The following KIF16B variants were observed in gnomAD, a reference collection of about 807,000 sequenced individuals.
The protein encoded by KIF16B is kinesin-like protein KIF16B.
In KIF16B, 98 loss-of-function variants were observed where a neutral mutation model predicts 156.3. The observed-to-expected ratio is 0.63, with a 90% CI of 0.53 to 0.74. The LOEUF (loss-of-function observed/expected upper bound fraction) is 0.74, where lower values mean the gene tolerates loss of function less well. Among genes scored for constraint, KIF16B ranks in the 30% least tolerant of loss-of-function variants. The probability of loss-of-function intolerance (pLI) is 0.00; values close to 1 mark genes in which losing one functional copy is unlikely to be tolerated. For missense variants in KIF16B, 1,421 were observed against 1,606.5 expected, an observed-to-expected ratio of 0.88 and a Z score of 1.97; for synonymous variants, 564 against 583.7, an observed-to-expected ratio of 0.97 and a Z score of 0.49.
chr20:16,516,184 G>A (rs1416056589), intron 3 of KIF16B, among the ~76,000 whole-genome samples: 1 of 152,212 alleles, frequency 6.6e-6, no homozygotes, highest in Admixed American at 6.5e-5. Flanking sequence ...GGCTGTAGAT[G>A]AGGATGGGGT....
intron 17 of KIF16B, among the ~76,000 whole-genome samples, chr20:16,386,667 G>A (rs1368759127): frequency 2.0e-5 from 3 of 151,966 alleles, no homozygotes; most frequent in African/African-American, 7.2e-5. Context: ...AAAATGGGAA[G>A]AGGCTGGGAA....
chr20:16,366,205 C>A (rs944681816), intron 22 of KIF16B, among the ~76,000 whole-genome samples: 1 of 152,000 alleles, frequency 6.6e-6, no homozygotes, highest in Non-Finnish European at 1.5e-5. Context: ...CCACCCTGGG[C>A]AGATGCAGCA....
chr20:16,427,256 CA>C lies in KIF16B; in HGVS notation c.1475-16del. ...GCCATGAAGAACTAAAGTGGAAAAACAAAGTAGAAAGAATTTTTCCCCCTTT... is the reference window on the plus strand; with the variant it reads ...GCCATGAAGAACTAAAGTGGAAAAACAAGTAGAAAGAATTTTTCCCCCTTT... On this transcript the variant is annotated splice_polypyrimidine_tract_variant and intron_variant, in intron 14 of 25. Transcript: ENST00000354981. 1.3e-6 allele frequency: 2 copies of C among 1,597,832 alleles called. No homozygotes were observed. Among genetic ancestry groups the C allele is most frequent in the South Asian group, 2.3e-5 (2 of 87,120 alleles).
intron 25 of KIF16B, among the ~76,000 whole-genome samples, chr20:16,307,185 T>C (rs568326631): frequency 6.6e-6 from 1 of 152,216 alleles, no homozygotes; most frequent in Admixed American, 6.5e-5. Context: ...CTGGAAACTT[T>C]TGTGGTTTTA....
chr20:16,489,773 C>T (rs946818170), intron 12 of KIF16B, among the ~76,000 whole-genome samples: 8 of 151,644 alleles, frequency 5.3e-5, no homozygotes, highest in African/African-American at 1.9e-4. Context: ...AATACGGATT[C>T]TGATCCAGGA....
intron 20 of KIF16B, 126 bp from the exon 21 acceptor site, chr20:16,371,887 A>G (rs900740869): frequency 2.6e-5 from 16 of 620,154 alleles, no homozygotes; most frequent in Admixed American, 2.8e-5. Context: ...CCTAACAACA[A>G]CTTGAGAACT....
intron 22 of KIF16B, chr20:16,367,423 A>G: frequency 6.2e-7 from 1 of 1,612,840 alleles, no homozygotes; most frequent in African/African-American, 1.3e-5. Flanking sequence ...GCATTTGATC[A>G]CATCAAATTG....
rs1296913361 is a variant in KIF16B at position 16,374,373 on chromosome 20, A to T, written c.3234T>A (p.Ile1078=). 6.3e-6 allele frequency: 10 copies of T among 1,594,348 alleles called. No individual in the cohort carries two copies. The highest frequency in any genetic ancestry group is 7.7e-6 in the Non-Finnish European group (9 of 1,168,604). ...EYEIQQLKQK[I]YEVDGVQKDH... is the part of the protein sequence containing the mutation. ...CTTTTTGAACACCATCGACCTCATAAATCTTCTGTTTCAGCTGCTGGATTT... is the reference window on the plus strand; with the variant it reads ...CTTTTTGAACACCATCGACCTCATATATCTTCTGTTTCAGCTGCTGGATTT... Residue 1078 remains isoleucine, a synonymous_variant, in exon 20 of 26, where the codon ATT becomes ATA. Coordinates refer to ENST00000354981, the MANE Select transcript of KIF16B (RefSeq NM_024704.5).
At position 16,379,855 on chromosome 20, in the gene KIF16B, T is replaced by C. The variant is rs750977492; in HGVS notation, c.2147A>G (p.Asn716Ser). The C allele has an allele frequency of 4.3e-6, 7 of 1,614,234 alleles. No individual in the cohort carries two copies. The East Asian group carries it at 1.6e-4, about 36-fold the overall frequency. Residue 716 changes from asparagine (N) to serine (S), a missense_variant, in exon 19 of 26, where the codon AAC (asparagine) becomes AGC (serine). Physicochemically the swap from Asn to Ser is conservative, Grantham distance 46. Coordinates refer to ENST00000354981, the MANE Select transcript of KIF16B (RefSeq NM_024704.5). ...AAACTTCTCAGCCTTCTCGTTGTTG[T>C]TGAGTTCTTTGAGTCGTTGGAGTTC... is the stretch of plus-strand genomic sequence containing the variant. ...QEELQRLKEL[N>S]NNEKAEKFQI...
intron 17 of KIF16B, among the ~76,000 whole-genome samples, chr20:16,383,046 T>G (rs1450132899): frequency 1.3e-5 from 2 of 152,208 alleles, no homozygotes; most frequent in East Asian, 3.9e-4. Flanking sequence ...CAGGTTGGAG[T>G]GCAGTGGTGT....
chr20:16,347,937 CT>C (rs2064264605), intron 23 of KIF16B, among the ~76,000 whole-genome samples: 1 of 152,140 alleles, frequency 6.6e-6, no homozygotes, highest in African/African-American at 2.4e-5. Context: ...ACTGGAATGG[CT>C]CTTATTTCTG....
chr20:16,566,095 A>G (rs994077813), intron 1 of KIF16B, among the ~76,000 whole-genome samples: 2 of 152,266 alleles, frequency 1.3e-5, no homozygotes, highest in Non-Finnish European at 2.9e-5. Flanking sequence ...TGCATAACAC[A>G]TACGTTTCAT....
At chr20:16,430,359 G>GA in intron 12 of KIF16B, among the ~76,000 whole-genome samples, 1 of 152,058 alleles carries the variant, frequency 6.6e-6, no homozygotes, top group Non-Finnish European at 1.5e-5. Context: ...TACCATGGTT[G>GA]AACTGTGCAT....
intron 15 of KIF16B, among the ~76,000 whole-genome samples, chr20:16,423,862 G>A (rs952699319): frequency 1.5e-4 from 23 of 152,088 alleles, no homozygotes; most frequent in African/African-American, 4.8e-4. Flanking sequence ...TCAGTGAATC[G>A]TGTTTTAACT....
chr20:16,514,708 T>C (rs980893825), intron 4 of KIF16B, among the ~76,000 whole-genome samples: 2 of 149,270 alleles, frequency 1.3e-5, no homozygotes, highest in African/African-American at 5.0e-5. Flanking sequence ...CTCGCCAACA[T>C]GGTGAAACCC....
intron 15 of KIF16B, among the ~76,000 whole-genome samples, chr20:16,413,248 A>C (rs538615727): frequency 6.6e-6 from 1 of 152,226 alleles, no homozygotes; most frequent in South Asian, 2.1e-4. Flanking sequence ...GACAAATTCC[A>C]GAGAGTCTTC....
rs57421025 is a variant in KIF16B at position 16,568,819 on chromosome 20, CAAAAAAAAAAAAAAAAA to C, written c.47+4393_47+4409del. On this transcript the variant is annotated intron_variant, in intron 1 of 25. Transcript: ENST00000354981. ...TAGACAACAGGGTAAGACCCTGTCTCAAAAAAAAAAAAAAAAAAAAAAAAAAAAAAAAAGGCATAGCT... is the reference window on the plus strand; with the variant it reads ...TAGACAACAGGGTAAGACCCTGTCTCAAAAAAAAAAAAAAAAGGCATAGCT... Among the ~76,000 whole-genome samples, 6 of 55,480 alleles carry C rather than the reference CAAAAAAAAAAAAAAAAA, an allele frequency of 1.1e-4. No individual in the cohort carries two copies. In the East Asian group the frequency reaches 2.5e-3, roughly 23 times the overall value. 36.4% of individuals were successfully genotyped at this position (55,480 alleles called of 152,430 possible).
At chr20:16,573,046 C>T (rs2071512794) in intron 1 of KIF16B, among the ~76,000 whole-genome samples, 183 bp downstream of exon 1, 1 of 152,202 alleles carries the variant, frequency 6.6e-6, no homozygotes, top group African/African-American at 2.4e-5. Flanking sequence ...CTCTCCAGGG[C>T]AATGTGAACG....
chr20:16,273,655 C>A (rs1568801394), intron 25 of KIF16B, among the ~76,000 whole-genome samples: 1 of 146,642 alleles, frequency 6.8e-6, no homozygotes, highest in Non-Finnish European at 1.5e-5. Context: ...TAAAGCAAGA[C>A]CCTGTCTCAA....
Sources: gnomAD v4.1 joint callset for allele counts (sites outside exome capture counted in the v4.1 genomes callset) on GRCh38, gnomAD v4.1.1 for gene constraint, MANE v1.5 for transcripts, NCBI Gene and HGNC (gene_info 2026-07-23, HGNC 2026-07-21) for gene names.